The following ZDHHC7 variants were observed in gnomAD, a reference collection of about 807,000 sequenced individuals.
The protein encoded by ZDHHC7 is palmitoyltransferase ZDHHC7.
A neutral mutation model predicts 34.1 loss-of-function variants in ZDHHC7; 12 were observed. The observed-to-expected ratio is 0.35, with a 90% CI of 0.23 to 0.57. The LOEUF is 0.57. ZDHHC7 is among the 20% of genes least tolerant of loss of function. The pLI, the probability that ZDHHC7 is intolerant of heterozygous loss-of-function variation, is 0.84. For synonymous variants in ZDHHC7, 185 were observed against 155.4 expected, an observed-to-expected ratio of 1.19 and a Z score of -1.42; for missense variants, 388 against 402.7, an observed-to-expected ratio of 0.96 and a Z score of 0.31.
At chr16:84,996,429 C>T (rs1469057765) in intron 1 of ZDHHC7, among the ~76,000 whole-genome samples, 1 of 152,008 alleles carries the variant, frequency 6.6e-6, no homozygotes, top group Non-Finnish European at 1.5e-5. Flanking sequence ...GAATGGCAGG[C>T]CCTGCTGTGG....
chr16:85,022,943 G>A, the ZDHHC7 span, among the ~76,000 whole-genome samples: 2 of 152,080 alleles, frequency 1.3e-5, no homozygotes, highest in Non-Finnish European at 2.9e-5. Context: ...TGTCTTAAAG[G>A]ACAAAGAAAA....
chr16:84,988,948 G>A, intron 3 of ZDHHC7: 1 of 1,445,532 alleles, frequency 6.9e-7, no homozygotes, highest in Non-Finnish European at 9.5e-7. Flanking sequence ...TTGTCGAAGT[G>A]CCTGGGCACT....
upstream of ZDHHC7, among the ~76,000 whole-genome samples, chr16:85,011,988 G>A (rs550867662): frequency 4.6e-4 from 70 of 152,332 alleles, no homozygotes; most frequent in African/African-American, 1.7e-3. Flanking sequence ...TGACTCCTGA[G>A]GTCCGCGGAG....
chr16:84,994,607 A>T (rs1479493230), intron 2 of ZDHHC7, among the ~76,000 whole-genome samples: 2 of 152,190 alleles, frequency 1.3e-5, no homozygotes, highest in East Asian at 3.9e-4. Context: ...TAAGACCTCC[A>T]CGGAGTGCAG....
At chr16:85,015,197 T>G (rs1411610144), upstream of ZDHHC7, among the ~76,000 whole-genome samples, 2 of 151,792 alleles carry the variant, frequency 1.3e-5, no homozygotes, top group African/African-American at 4.8e-5. Context: ...CGTCCCAGGT[T>G]CAAGCGATTC....
intron 1 of ZDHHC7, among the ~76,000 whole-genome samples, chr16:85,008,668 C>T (rs921153122): frequency 6.6e-6 from 1 of 151,992 alleles, no homozygotes; most frequent in Non-Finnish European, 1.5e-5. Context: ...GTTGTTAACA[C>T]TGACCCTGGA....
chr16:85,000,957 T>C (rs2072644706), intron 1 of ZDHHC7, among the ~76,000 whole-genome samples: 2 of 152,154 alleles, frequency 1.3e-5, no homozygotes, highest in Non-Finnish European at 2.9e-5. Context: ...ACAGACAGCA[T>C]GGGTGGGCCC....
chr16:85,009,553 C>A lies in ZDHHC7; in HGVS notation c.-104+1733G>T, dbSNP rs558402137. On this transcript the variant is annotated intron_variant, in intron 1 of 7. Coordinates refer to ENST00000313732, the MANE Select transcript of ZDHHC7 (RefSeq NM_017740.3). Reference sequence around the variant, plus strand: ...TTTGGGAATTACCTTTTCAAATAGTCTTCTTCTCCTTCAACTCTCAAATCA... The same window carrying A: ...TTTGGGAATTACCTTTTCAAATAGTATTCTTCTCCTTCAACTCTCAAATCA... Among the ~76,000 whole-genome samples, 6 of 149,536 alleles carry A rather than the reference C, an allele frequency of 4.0e-5. No individual in the cohort carries two copies. The South Asian group carries it at 1.2e-3, about 31-fold the overall frequency.
intron 2 of ZDHHC7, among the ~76,000 whole-genome samples, chr16:84,994,356 T>C (rs74476714): frequency 0.051 from 7,827 of 152,322 alleles, 326 homozygotes; most frequent in East Asian, 0.19. Context: ...ATCAAGGCCG[T>C]AAGCTGAAAA....
the ZDHHC7 span, among the ~76,000 whole-genome samples, chr16:85,021,331 G>C: frequency 2.7e-4 from 40 of 146,114 alleles, no homozygotes; most frequent in Non-Finnish European, 5.6e-4. Flanking sequence ...AGAATCGTTT[G>C]AACCCAGGAG....
At chr16:85,004,898 G>T (rs898893210) in intron 1 of ZDHHC7, 6 of 152,224 alleles carry the variant, frequency 3.9e-5, no homozygotes, top group African/African-American at 9.7e-5. Flanking sequence ...GGAGACGGGG[G>T]TGAAGAGAAA....
At chr16:84,987,325 G>C (rs1016101488) in intron 3 of ZDHHC7, among the ~76,000 whole-genome samples, 1 of 152,240 alleles carries the variant, frequency 6.6e-6, no homozygotes, top group Non-Finnish European at 1.5e-5. Context: ...GGTCATTAGG[G>C]AGATACACAG....
In ZDHHC7 at chr16:84,975,497, T is replaced by TA. The variant is rs2072283469; in HGVS notation, c.*845dup. On this transcript the variant is annotated 3_prime_UTR_variant, in exon 8 of 8. Transcript: ENST00000313732. ...GGCCCTCAAGCACTCAAGATTTCTT[T>TA]AAAAAATGAAAGCAGGAGGGCAACG... The TA allele has an allele frequency of 6.6e-6, 1 of 152,488 alleles. No homozygotes were observed. The highest frequency in any genetic ancestry group is 2.4e-5 in the African/African-American group (1 of 41,402). The allele number at this position is 152,488 out of a possible 1,614,324, so 9.4% of individuals were successfully genotyped here.
upstream of ZDHHC7, among the ~76,000 whole-genome samples, chr16:85,014,403 T>C (rs1282826826): frequency 6.6e-6 from 1 of 152,218 alleles, no homozygotes; most frequent in Admixed American, 6.5e-5. Context: ...CTCTTTTTTT[T>C]AGAAAAGGTT....
At chr16:85,016,446 C>T (rs777349087), upstream of ZDHHC7, among the ~76,000 whole-genome samples, 3 of 151,854 alleles carry the variant, frequency 2.0e-5, no homozygotes, top group Non-Finnish European at 2.9e-5. Flanking sequence ...AAAATCAAAT[C>T]ATTTATTAAA....
rs1164019822 is a variant in ZDHHC7 at position 84,988,774 on chromosome 16, T to C, written c.315+1530A>G. The C allele has an allele frequency of 3.9e-6, 6 of 1,551,536 alleles. No homozygotes were observed. The Admixed American group carries it at 1.2e-4, about 30-fold the overall frequency. ...TACCCCACACTCACAAGCAGGAGGC[T>C]TTGCACAGACTCGGTTCCCTCACCA... On this transcript the variant is annotated intron_variant, in intron 3 of 7. Coordinates refer to ENST00000313732, the MANE Select transcript of ZDHHC7 (RefSeq NM_017740.3).
At chr16:85,026,022 A>C in the ZDHHC7 span, among the ~76,000 whole-genome samples, 24,623 of 152,198 alleles carry the variant, frequency 0.16, 2,210 homozygotes, top group African/African-American at 0.25. Context: ...ATGGTCATGT[A>C]ATCTGCCTCT....
intron 2 of ZDHHC7, among the ~76,000 whole-genome samples, chr16:84,994,624 G>A (rs2072552774): frequency 2.0e-5 from 3 of 152,212 alleles, no homozygotes; most frequent in African/African-American, 7.2e-5. Flanking sequence ...GCAGGATGCT[G>A]CTGTGGCTCC....
the ZDHHC7 span, among the ~76,000 whole-genome samples, chr16:85,017,162 T>G: frequency 6.6e-6 from 1 of 152,186 alleles, no homozygotes; most frequent in Non-Finnish European, 1.5e-5. Flanking sequence ...ATGAAAAAAT[T>G]TATGTAAAAA....
Sources: gnomAD v4.1 joint callset for allele counts (sites outside exome capture counted in the v4.1 genomes callset) on GRCh38, gnomAD v4.1.1 for gene constraint, MANE v1.5 for transcripts, NCBI Gene and HGNC (gene_info 2026-07-23, HGNC 2026-07-21) for gene names.